Variants in OPHN1 observed in about 807,000 individuals in gnomAD.
OPHN1 encodes oligophrenin 1.
A neutral mutation model predicts 60.7 loss-of-function variants in OPHN1; 11 were observed. That is an observed-to-expected ratio of 0.18 (90% CI 0.11 to 0.30). The LOEUF is 0.30. OPHN1 is among the 10% of genes least tolerant of loss of function. OPHN1 has a pLI of 1.00. For synonymous variants in OPHN1, 226 were observed against 222.6 expected (o/e 1.02, Z -0.14); for missense variants, 449 against 611.0 (o/e 0.73, Z 2.80).
chrX:68,206,712 T>A lies in OPHN1; in HGVS notation c.833-39A>T, dbSNP rs765510566. 5 of 1,007,829 alleles carry A rather than the reference T, an allele frequency of 5.0e-6. No homozygotes were observed. In the Middle Eastern group the frequency reaches 1.0e-3, roughly 207 times the overall value. 83.1% of individuals were successfully genotyped at this position (1,007,829 alleles called of 1,213,427 possible). On this transcript the variant is annotated intron_variant, in intron 9 of 24. Transcript: ENST00000355520. ...TAAAAGTGAGCAGACAGAATAACTA[T>A]TTTAGCTGTATAGGAAGTCAACCCT...
intron 23 of OPHN1, among the ~76,000 whole-genome samples, chrX:68,051,057 C>G (rs1423601980): frequency 8.9e-6 from 1 of 111,766 alleles, no homozygotes; most frequent in Non-Finnish European, 1.9e-5. Flanking sequence ...CACTGACAAT[C>G]AGAGCTAGAA....
chrX:68,114,550 C>T (rs1287836995), intron 16 of OPHN1, among the ~76,000 whole-genome samples: 1 of 111,005 alleles, frequency 9.0e-6, no homozygotes, highest in Non-Finnish European at 1.9e-5. Context: ...CACTTAAGCC[C>T]AAGAGTTCGA....
At chrX:68,133,902 C>T (rs1401439060) in intron 15 of OPHN1, among the ~76,000 whole-genome samples, 1 of 111,424 alleles carries the variant, frequency 9.0e-6, no homozygotes, top group Non-Finnish European at 1.9e-5. Context: ...TGGCCGGGCG[C>T]TGTGGCTCAC....
intron 5 of OPHN1, among the ~76,000 whole-genome samples, chrX:68,239,226 C>T (rs1345923600): frequency 9.2e-6 from 1 of 108,285 alleles, no homozygotes; most frequent in Non-Finnish European, 1.9e-5. Context: ...TGGTGTCTGC[C>T]GGTGTCCTCC....
At chrX:68,125,881 AAAACAAACTAAC>A (rs1402396654) in intron 15 of OPHN1, among the ~76,000 whole-genome samples, 1 of 93,739 alleles carries the variant, frequency 1.1e-5, no homozygotes, top group African/African-American at 3.8e-5. Context: ...ACACATCAAA[AAAACAAACTAAC>A]AAACAAACAA....
chrX:68,130,444 A>G (rs1015705599), intron 15 of OPHN1, among the ~76,000 whole-genome samples: 2 of 112,026 alleles, frequency 1.8e-5, no homozygotes, highest in Non-Finnish European at 3.8e-5. Context: ...ATGTAGTGGA[A>G]TTAACTTATG....
intron 15 of OPHN1, among the ~76,000 whole-genome samples, chrX:68,182,772 C>A (rs150868299): frequency 0.083 from 9,268 of 111,145 alleles, 398 homozygotes; most frequent in Middle Eastern, 0.22. Context: ...ATTATCCAGG[C>A]CTGGTGGCGG....
chrX:68,266,074 G>C (rs1276831025), intron 5 of OPHN1, among the ~76,000 whole-genome samples: 3 of 111,561 alleles, frequency 2.7e-5, no homozygotes, highest in Non-Finnish European at 5.6e-5. Context: ...AAAGTGACGG[G>C]GAGAATGGAA....
At chrX:68,049,988 C>T (rs1259292524) in intron 23 of OPHN1, among the ~76,000 whole-genome samples, 3 of 111,844 alleles carry the variant, frequency 2.7e-5, no homozygotes, top group Non-Finnish European at 3.8e-5. Context: ...AACGCTAGGC[C>T]GTAGTCAGGT....
At chrX:68,235,540 T>A (rs1182211073) in intron 5 of OPHN1, among the ~76,000 whole-genome samples, 1 of 110,702 alleles carries the variant, frequency 9.0e-6, no homozygotes, top group Non-Finnish European at 1.9e-5. Context: ...CTGTGACATA[T>A]AAGAAATGTG....
At chrX:68,322,222 T>A (rs2078239043) in intron 2 of OPHN1, among the ~76,000 whole-genome samples, 1 of 111,184 alleles carries the variant, frequency 9.0e-6, no homozygotes, top group Non-Finnish European at 1.9e-5. Flanking sequence ...TCTGCCCACC[T>A]CAGACTCCCA....
intron 2 of OPHN1, among the ~76,000 whole-genome samples, chrX:68,349,384 T>C (rs1197158174): frequency 1.9e-4 from 21 of 111,423 alleles, no homozygotes; most frequent in East Asian, 8.5e-4. Context: ...GTTAGAATGG[T>C]GATCATTAAA....
intron 2 of OPHN1, among the ~76,000 whole-genome samples, chrX:68,395,789 T>C (rs2078680629): frequency 9.0e-6 from 1 of 110,975 alleles, no homozygotes; most frequent in South Asian, 3.8e-4. Context: ...TCTTACTATG[T>C]TGTCCAGGAT....
At chrX:68,148,030 A>G (rs2077270720) in intron 15 of OPHN1, among the ~76,000 whole-genome samples, 1 of 111,517 alleles carries the variant, frequency 9.0e-6, no homozygotes, top group Admixed American at 9.6e-5. Context: ...AGAAAGGCTT[A>G]GTGCTATGGA....
intron 12 of OPHN1, 104 bp from the exon 13 acceptor site, chrX:68,194,602 G>A: frequency 1.4e-6 from 1 of 699,973 alleles, no homozygotes; most frequent in Non-Finnish European, 2.2e-6. Context: ...CATTAAAAAT[G>A]ATTAGAAACT....
intron 10 of OPHN1, among the ~76,000 whole-genome samples, chrX:68,202,779 G>A (rs1175678439): frequency 9.0e-6 from 1 of 110,873 alleles, no homozygotes; most frequent in Non-Finnish European, 1.9e-5. Flanking sequence ...ACAGGCGTGA[G>A]CCACTGTGTC....
At chrX:68,071,863 A>G (rs1290384908) in intron 20 of OPHN1, 1 of 332,808 alleles carries the variant, frequency 3.0e-6, no homozygotes, top group African/African-American at 2.7e-5. Flanking sequence ...TCCATATTTT[A>G]AAGGATGTGC....
chrX:68,292,949 T>C (rs887737193), intron 3 of OPHN1, among the ~76,000 whole-genome samples: 3 of 111,719 alleles, frequency 2.7e-5, no homozygotes, highest in Non-Finnish European at 5.6e-5. Flanking sequence ...GGTTCATGCA[T>C]GCCCCTATAT....
intron 16 of OPHN1, among the ~76,000 whole-genome samples, chrX:68,117,236 G>A (rs901207116): frequency 9.0e-6 from 1 of 110,974 alleles, no homozygotes; most frequent in Non-Finnish European, 1.9e-5. Flanking sequence ...CCTGCCTCAA[G>A]TCTTTGCGTA....
Sources: gnomAD v4.1 joint callset for allele counts (sites outside exome capture counted in the v4.1 genomes callset) on GRCh38, gnomAD v4.1.1 for gene constraint, MANE v1.5 for transcripts, NCBI Gene and HGNC (gene_info 2026-07-23, HGNC 2026-07-21) for gene names.